Variants in CCT5 observed in about 807,000 individuals in gnomAD.
The protein encoded by CCT5 is T-complex protein 1 subunit epsilon.
Under a neutral mutation model 55.0 loss-of-function variants are expected in CCT5, and 6 were observed. That is an observed-to-expected ratio of 0.11 (90% CI 0.06 to 0.22). CCT5 has a LOEUF of 0.22. CCT5 is among the 10% of genes least tolerant of loss of function. The pLI, the probability that CCT5 is intolerant of heterozygous loss-of-function variation, is 1.00. For missense variants in CCT5, 560 were observed against 694.6 expected (o/e 0.81, Z 2.18); for synonymous variants, 231 against 243.7 (o/e 0.95, Z 0.49).
chr5:10,251,547 T>TA (rs1175078775), intron 1 of CCT5, among the ~76,000 whole-genome samples: 2 of 152,188 alleles, frequency 1.3e-5, no homozygotes, highest in African/African-American at 2.4e-5. Context: ...GAGGTTTACT[T>TA]ACGCAAAGTT....
chr5:10,249,922 AAAAAAAAAAAAAC>A (rs780949863), upstream of CCT5: 25,762 of 1,375,018 alleles, frequency 0.019, 479 homozygotes, highest in East Asian at 0.1. Flanking sequence ...AAAAAAAAAA[AAAAAAAAAAAAAC>A]CGGAAATGGG....
chr5:10,259,425 T>TA (rs1745846939), intron 6 of CCT5, among the ~76,000 whole-genome samples: 3 of 152,218 alleles, frequency 2.0e-5, no homozygotes, highest in Admixed American at 6.5e-5. Context: ...TCATTGATGA[T>TA]ACGGTTCTTG....
intron 4 of CCT5, 185 bp from the exon 5 acceptor site, chr5:10,257,926 G>A (rs1387403669): frequency 1.5e-6 from 1 of 657,398 alleles, no homozygotes; most frequent in South Asian, 1.8e-5. Flanking sequence ...CCCCTTTAGG[G>A]CCCATGGATC....
intron 10 of CCT5, 82 bp from the exon 11 acceptor site, chr5:10,264,574 G>A (rs184463047): frequency 5.3e-6 from 5 of 944,588 alleles, no homozygotes; most frequent in Non-Finnish European, 7.0e-6. Flanking sequence ...GTCTTACTGT[G>A]ATTCCCTAAA....
At chr5:10,253,360 CTATAAATA>C (rs1745524473) in intron 1 of CCT5, among the ~76,000 whole-genome samples, 1 of 149,942 alleles carries the variant, frequency 6.7e-6, no homozygotes, top group Admixed American at 6.7e-5. Flanking sequence ...TAACTTTGAT[CTATAAATA>C]TAATTATTGG....
chr5:10,253,155 A>G (rs2432145), intron 1 of CCT5, among the ~76,000 whole-genome samples: 112,278 of 152,016 alleles, frequency 0.74, 43,662 homozygotes, highest in East Asian at 0.87. Context: ...GCAAAACCCT[A>G]TCTCTACTGA....
At chr5:10,255,492 A>G (rs1745625334) in intron 3 of CCT5, among the ~76,000 whole-genome samples, 1 of 151,956 alleles carries the variant, frequency 6.6e-6, no homozygotes, top group South Asian at 2.1e-4. Context: ...ATTGTATGCC[A>G]AGCACTGTTC....
At chr5:10,255,705 T>A (rs1745638967) in intron 3 of CCT5, among the ~76,000 whole-genome samples, 1 of 152,206 alleles carries the variant, frequency 6.6e-6, no homozygotes, top group Admixed American at 6.5e-5. Flanking sequence ...TACATTATAT[T>A]CTTTAGTTAC....
At chr5:10,254,070 G>T in intron 1 of CCT5, 75 bp from the exon 2 acceptor site, 1 of 948,084 alleles carries the variant, frequency 1.1e-6, no homozygotes, top group East Asian at 2.4e-5. Context: ...AGTGATTTTT[G>T]TAGTCATCAG....
intron 6 of CCT5, among the ~76,000 whole-genome samples, chr5:10,260,410 A>G (rs1301781765): frequency 6.6e-6 from 1 of 152,254 alleles, no homozygotes; most frequent in Non-Finnish European, 1.5e-5. Context: ...TGTTTAAAAC[A>G]TACTCAGGTG....
upstream of CCT5, chr5:10,250,092 G>A (rs1487881557): frequency 1.8e-5 from 28 of 1,536,786 alleles, no homozygotes; most frequent in Non-Finnish European, 2.4e-5. Context: ...TGACTTGTGT[G>A]TCCTAAGATT....
chr5:10,252,156 G>GTT, intron 1 of CCT5, among the ~76,000 whole-genome samples: 1 of 152,206 alleles, frequency 6.6e-6, no homozygotes, highest in Admixed American at 6.5e-5. Flanking sequence ...TAACCTGGGT[G>GTT]TTTAAGTCTC....
chr5:10,252,555 C>T (rs1192504802), intron 1 of CCT5, among the ~76,000 whole-genome samples: 2 of 142,612 alleles, frequency 1.4e-5, no homozygotes, highest in Admixed American at 7.7e-5. Context: ...GCAGAGGTTG[C>T]GGTGAGCCGA....
At chr5:10,250,817 T>C in intron 1 of CCT5, 1 of 1,116,358 alleles carries the variant, frequency 9.0e-7, no homozygotes, top group Non-Finnish European at 1.1e-6. Context: ...CTGTCACCTG[T>C]CGGTTAAGGC....
At chr5:10,250,598 C>T in intron 1 of CCT5, 153 bp downstream of exon 1, 2 of 1,468,504 alleles carry the variant, frequency 1.4e-6, no homozygotes, top group Non-Finnish European at 1.8e-6. Flanking sequence ...GCTCAGCCCG[C>T]TTACTGAGCT....
intron 1 of CCT5, 106 bp from the exon 2 acceptor site, chr5:10,254,039 G>C: frequency 2.5e-6 from 2 of 788,572 alleles, no homozygotes; most frequent in Non-Finnish European, 4.5e-6. Context: ...GAAGCTTCTA[G>C]ACAATAGAAA....
upstream of CCT5, chr5:10,249,928 A>AAAAC (rs1745270392): frequency 1.7e-5 from 15 of 883,174 alleles, no homozygotes; most frequent in Admixed American, 2.9e-4. Context: ...AAAAAAAAAA[A>AAAAC]AAAAAACCGG....
chr5:10,255,116 A>G (rs1019169587), intron 3 of CCT5: 1 of 440,338 alleles, frequency 2.3e-6, no homozygotes, highest in African/African-American at 2.0e-5. Context: ...TGTTTGGGAA[A>G]CGTGGAAGAA....
At chr5:10,257,007 T>G (rs1321017269) in intron 4 of CCT5, among the ~76,000 whole-genome samples, 1 of 152,208 alleles carries the variant, frequency 6.6e-6, no homozygotes, top group Non-Finnish European at 1.5e-5. Flanking sequence ...TGCCAAAGAC[T>G]TAAGGTCTGT....
Sources: allele counts gnomAD v4.1 joint callset (sites outside exome capture counted in the v4.1 genomes callset), GRCh38; gene constraint gnomAD v4.1.1; transcripts MANE v1.5; gene names NCBI Gene and HGNC (gene_info 2026-07-23, HGNC 2026-07-21).